INF2: variants seen among roughly 807,000 people sequenced by gnomAD.
INF2 encodes the protein inverted formin 2.
In INF2, 43 loss-of-function variants were observed where a neutral mutation model predicts 123.5. The ratio of observed to expected loss-of-function variants is 0.35; its 90% CI spans 0.27 to 0.45. The LOEUF is 0.45. Ranked by LOEUF, INF2 falls within the 20% of genes least tolerant of loss-of-function variation. The probability of loss-of-function intolerance (pLI) is 1.00; values close to 1 mark genes in which losing one functional copy is unlikely to be tolerated. For synonymous variants in INF2, 851 were observed against 745.0 expected, an observed-to-expected ratio of 1.14 and a Z score of -2.32; for missense variants, 1,453 against 1,682.7, an observed-to-expected ratio of 0.86 and a Z score of 2.39.
intron 20 of INF2, 53 bp downstream of exon 20, chr14:104,713,659 C>T (rs1890159446): frequency 1.3e-6 from 2 of 1,577,700 alleles, no homozygotes; most frequent in Non-Finnish European, 1.7e-6. Flanking sequence ...TGTCCCTACC[C>T]TGTGCCTCCA....
chr14:104,713,384 C>T, intron 19 of INF2, 61 bp from the exon 20 acceptor site: 6 of 1,574,918 alleles, frequency 3.8e-6, no homozygotes, highest in Admixed American at 1.9e-5. Flanking sequence ...CCCACCACCC[C>T]CAGCCCTCTA....
At chr14:104,713,081 C>T in intron 18 of INF2, 89 bp downstream of exon 18, 2 of 1,607,646 alleles carry the variant, frequency 1.2e-6, no homozygotes, top group South Asian at 2.2e-5. Context: ...GCAGAGGCAC[C>T]TTTCGTCGGG....
At chr14:104,705,297 A>G (rs1595168643) in intron 5 of INF2, among the ~76,000 whole-genome samples, 1 of 152,202 alleles carries the variant, frequency 6.6e-6, no homozygotes, top group South Asian at 2.1e-4. Context: ...TGTGCCTGCA[A>G]TCCCAACTAC....
chr14:104,704,265 TG>T, intron 5 of INF2: 1 of 1,097,294 alleles, frequency 9.1e-7, no homozygotes, highest in Non-Finnish European at 1.2e-6. Flanking sequence ...AAACAGAAAA[TG>T]AAATGCCAAT....
Position 104,694,417 on chromosome 14 carries a change from C to T in INF2, c.-10+4678C>T, listed in dbSNP as rs543739601. Among the ~76,000 whole-genome samples, 9 of 152,348 alleles carry T rather than the reference C, an allele frequency of 5.9e-5. No individual in the cohort carries two copies. In the East Asian group the frequency reaches 9.6e-4, roughly 16 times the overall value. ...GCTGCCTGGAGCAGAGGTCAAGAGA[C>T]GCTGAGCAGGGGCTGGGAAGATTCA... On this transcript the variant is annotated intron_variant, in intron 1 of 22. Transcript: ENST00000392634.
In INF2 at chr14:104,707,531, C is replaced by CCCCCA; in HGVS notation, c.1269_1273dup (p.Pro425HisfsTer135). 1 of 838,308 alleles carries CCCCCA rather than the reference C, an allele frequency of 1.2e-6. No homozygotes were observed. The highest frequency in any genetic ancestry group is 1.7e-6 in the Non-Finnish European group (1 of 604,534). The allele number at this position is 838,308 out of a possible 1,614,324, so 51.9% of individuals were successfully genotyped here. On this transcript the variant is annotated frameshift_variant, in exon 8 of 23. Transcript: ENST00000392634. LOFTEE classifies it high-confidence loss of function. ...CCTGGAGCAGCAGGCGTCCACCCCA[C>CCCCCA]CCCCACCCCCACCCCCACCCCTGCT...
intron 2 of INF2, 99 bp from the exon 3 acceptor site, chr14:104,703,006 T>C (rs1889600839): frequency 1.0e-6 from 1 of 969,146 alleles, no homozygotes; most frequent in South Asian, 1.4e-5. Flanking sequence ...CCCCCTGGCG[T>C]CTGCCTGCCA....
intron 1 of INF2, among the ~76,000 whole-genome samples, chr14:104,695,314 C>T (rs1238746117): frequency 6.6e-6 from 1 of 152,140 alleles, no homozygotes; most frequent in Admixed American, 6.5e-5. Context: ...AGCCGCTCGT[C>T]CCCCCATGCC....
chr14:104,709,585 T>G, intron 11 of INF2, 35 bp from the exon 12 acceptor site: 2 of 1,582,672 alleles, frequency 1.3e-6, no homozygotes, highest in Non-Finnish European at 1.7e-6. Flanking sequence ...GAAGCTGGCA[T>G]GGGGGGATCC....
At position 104,710,104 on chromosome 14, in the gene INF2, G is replaced by A. The variant is rs775500020; in HGVS notation, c.2155G>A (p.Glu719Lys). Residue 719 changes from glutamate to lysine, a missense_variant, in exon 13 of 23, where the codon GAG becomes AAG. By Grantham distance (56) the Glu-to-Lys change is moderately conservative. Transcript: ENST00000392634. Reference sequence around the variant, plus strand: ...CATCCCCAGCTACCAGCTGCGAATCGAGTGCATGCTGCTGTGTGAGGGCGC... The same window carrying A: ...CATCCCCAGCTACCAGCTGCGAATCAAGTGCATGCTGCTGTGTGAGGGCGC... Reference protein sequence around the residue: ...LAIPCYQLRIECMLLCEGAAA... With the variant: ...LAIPCYQLRIKCMLLCEGAAA... 27 of 1,552,028 alleles carry A rather than the reference G, an allele frequency of 1.7e-5. No homozygotes were observed. The Admixed American group carries it at 3.3e-4, about 19-fold the overall frequency.
At position 104,684,030 on chromosome 14, in the gene INF2, G is replaced by T; in HGVS notation, c.-104+2448G>T. 1 of 455,996 alleles carries T rather than the reference G, an allele frequency of 2.2e-6. No homozygotes were observed. Among genetic ancestry groups the T allele is most frequent in the Non-Finnish European group, 4.4e-6 (1 of 226,752 alleles). The allele number at this position is 455,996 out of a possible 1,614,324, so 28.2% of individuals were successfully genotyped here. A position where few individuals can be genotyped will look rare whatever the true frequency, so the allele number is the denominator to read the frequency against. ...AGCTCCTCAAATTCCCAACACCAGG[G>T]TTGCAAGGCCCAGTGTCTTCTCACC... is the stretch of plus-strand genomic sequence containing the variant. On this transcript the variant is annotated intron_variant, in intron 1 of 2. Transcript: ENST00000674723. The surrounding 1 kb of genome is among the most constrained non-coding windows in gnomAD (Gnocchi z 5.0).
intron 1 of INF2, among the ~76,000 whole-genome samples, chr14:104,697,741 G>GC (rs1889258612): frequency 6.6e-6 from 1 of 152,254 alleles, no homozygotes; most frequent in African/African-American, 2.4e-5. Flanking sequence ...TCCTCTGGAA[G>GC]CCCCAGGCTA....
chr14:104,687,473 C>T (rs1888692619), upstream of INF2, among the ~76,000 whole-genome samples: 1 of 145,708 alleles, frequency 6.9e-6, no homozygotes, highest in African/African-American at 2.5e-5. This position sits in a 1 kb window ranked among gnomAD's most constrained non-coding sequence, Gnocchi z 5.6. Context: ...CACACACACA[C>T]ACACATACAC....
upstream of INF2, among the ~76,000 whole-genome samples, chr14:104,688,108 C>T (rs762002763): frequency 6.6e-6 from 1 of 152,252 alleles, no homozygotes; most frequent in Non-Finnish European, 1.5e-5. Context: ...GGCCGGAGGC[C>T]GGCCTTCCAG....
intron 12 of INF2, 52 bp from the exon 13 acceptor site, chr14:104,710,036 C>T: frequency 2.8e-6 from 4 of 1,435,176 alleles, no homozygotes; most frequent in Non-Finnish European, 3.8e-6. Flanking sequence ...GCCCCTCTGG[C>T]AGGGACAGGT....
chr14:104,705,277 C>T lies in INF2; in HGVS notation c.702-758C>T, dbSNP rs934084328. On this transcript the variant is annotated intron_variant, in intron 5 of 22. Transcript: ENST00000392634. ...ACTAAAAGTACAAAAATTAGCTGGC[C>T]GTGGTGGCATGTGCCTGCAATCCCA... 4.6e-5 allele frequency among the ~76,000 whole-genome samples: 7 copies of T among 152,150 alleles called. No individual in the cohort carries two copies. In the South Asian group the frequency reaches 1.4e-3, roughly 32 times the overall value.
In INF2 at chr14:104,708,442, A is replaced by T; in HGVS notation, c.1742A>T (p.Asn581Ile). ...CCGTGTCCCCACCCGACAGAGCACAACTCTATGTGGGCGTCCCTGAGCAGC... is the reference window on the plus strand; with the variant it reads ...CCGTGTCCCCACCCGACAGAGCACATCTCTATGTGGGCGTCCCTGAGCAGC... ...KLPSNVAREH[N>I]SMWASLSSPD... The change falls in exon 9 of 23, where the codon AAC becomes ATC. Residue 581 changes from asparagine (N) to isoleucine (I), a missense_variant. This residue lies in a region of INF2 where 192 missense variants were observed against 274.4 expected (regional missense o/e 0.70). Transcript: ENST00000392634. 6.2e-7 allele frequency: 1 copy of T among 1,611,732 alleles called. No homozygotes were observed. Among genetic ancestry groups the T allele is most frequent in the Non-Finnish European group, 8.5e-7 (1 of 1,179,696 alleles).
intron 1 of INF2, 144 bp from the exon 2 acceptor site, chr14:104,701,213 C>A: frequency 1.0e-6 from 1 of 955,154 alleles, no homozygotes; most frequent in Non-Finnish European, 1.5e-6. Context: ...GGACACAGTG[C>A]TACCCCTAAC....
chr14:104,688,932 T>C (rs1888783208), upstream of INF2, among the ~76,000 whole-genome samples: 1 of 151,956 alleles, frequency 6.6e-6, no homozygotes, highest in Non-Finnish European at 1.5e-5. Context: ...CCCCCCTCAA[T>C]CTAGGAGACA....
Sources: allele counts gnomAD v4.1 joint callset (sites outside exome capture counted in the v4.1 genomes callset), GRCh38; gene constraint gnomAD v4.1.1; regional missense constraint gnomAD v4.1.1; non-coding constraint Gnocchi (gnomAD v3.1); transcripts MANE v1.5; gene names NCBI Gene and HGNC (gene_info 2026-07-23, HGNC 2026-07-21).